AIMP1: variants seen among roughly 807,000 people sequenced by gnomAD.
The protein encoded by AIMP1 is aminoacyl tRNA synthetase complex interacting multifunctional protein 1.
Under a neutral mutation model 33.1 loss-of-function variants are expected in AIMP1, and 24 were observed. The observed-to-expected ratio is 0.73, with a 90% CI of 0.53 to 1.02. The LOEUF is 1.02. Ranked by LOEUF, AIMP1 falls within the 50% of genes least tolerant of loss-of-function variation. The pLI is 0.00. For missense variants in AIMP1, 367 were observed against 364.8 expected (o/e 1.01, Z -0.05); for synonymous variants, 120 against 121.5 (o/e 0.99, Z 0.08).
chr4:106,317,800 T>C (rs1293182170), intron 1 of AIMP1, among the ~76,000 whole-genome samples: 1 of 152,168 alleles, frequency 6.6e-6, no homozygotes, highest in Non-Finnish European at 1.5e-5. Flanking sequence ...GTCTATAAAA[T>C]GGAAATCACA....
At chr4:106,321,933 A>G (rs1271620088) in intron 1 of AIMP1, among the ~76,000 whole-genome samples, 1 of 151,952 alleles carries the variant, frequency 6.6e-6, no homozygotes, top group Non-Finnish European at 1.5e-5. Flanking sequence ...TGCTGTGTCC[A>G]CTAAGGGTTA....
At position 106,328,038 on chromosome 4, in the gene AIMP1, GTTTAATATGAATGACATTA is replaced by G; in HGVS notation, c.224-34_224-16del. 6.2e-7 allele frequency: 1 copy of G among 1,604,830 alleles called. No individual in the cohort carries two copies. Among genetic ancestry groups the G allele is most frequent in the Non-Finnish European group, 8.5e-7 (1 of 1,173,292 alleles). On this transcript the variant is annotated intron_variant, in intron 3 of 6. Coordinates refer to ENST00000672341, the MANE Select transcript of AIMP1 (RefSeq NM_001142416.2). ...TTCATATTTTTTGTCATATTTATTG[GTTTAATATGAATGACATTA>G]TTTCATTTTCTGTCTCAGTGAAGCA...
chr4:106,320,742 G>T (rs532582911), intron 1 of AIMP1, among the ~76,000 whole-genome samples: 2 of 151,956 alleles, frequency 1.3e-5, no homozygotes, highest in African/African-American at 4.8e-5. Flanking sequence ...ATTAAGAAAA[G>T]TATAGCCCTC....
At chr4:106,329,787 T>C (rs1769603179) in intron 4 of AIMP1, among the ~76,000 whole-genome samples, 1 of 130,864 alleles carries the variant, frequency 7.6e-6, no homozygotes, top group Admixed American at 9.9e-5. Flanking sequence ...TTTTTTTTTT[T>C]TTTTTTTTTT....
Position 106,331,993 on chromosome 4 carries a change from A to T in AIMP1, c.603+110A>T, listed in dbSNP as rs1769699970. ...ATACCATACAACATGTGCCCTTGTT[A>T]ATTAGTTCAGTCGATTAGTTTGAAT... On this transcript the variant is annotated intron_variant, in intron 5 of 6. Coordinates refer to ENST00000672341, the MANE Select transcript of AIMP1 (RefSeq NM_001142416.2). The T allele has an allele frequency of 8.5e-6, 9 of 1,062,078 alleles. No homozygotes were observed. The South Asian group carries it at 1.2e-4, about 14-fold the overall frequency. The allele number at this position is 1,062,078 out of a possible 1,614,324, so 65.8% of individuals were successfully genotyped here.
chr4:106,323,018 T>C (rs1769324001), intron 1 of AIMP1, among the ~76,000 whole-genome samples: 2 of 152,168 alleles, frequency 1.3e-5, no homozygotes, highest in South Asian at 2.1e-4. Flanking sequence ...CACTTCTTTT[T>C]ATCACATTGT....
At chr4:106,344,403 A>C (rs1156591225) in intron 6 of AIMP1, among the ~76,000 whole-genome samples, 1 of 152,026 alleles carries the variant, frequency 6.6e-6, no homozygotes, top group South Asian at 2.1e-4. Context: ...CCATCCTCCT[A>C]GTTGCTTAAC....
rs191879982 is a variant in AIMP1 at position 106,321,016 on chromosome 4, G to A, written c.-25-3969G>A. On this transcript the variant is annotated intron_variant, in intron 1 of 6. Coordinates refer to ENST00000672341, the MANE Select transcript of AIMP1 (RefSeq NM_001142416.2). ...GCCAGCCTCGGCGTCCTGAGGTGCC[G>A]GGATTGCAGACGGAGTCTCGCTCAC... Among the ~76,000 whole-genome samples, 680 of 152,340 alleles carry A rather than the reference G, an allele frequency of 4.5e-3. 1 individual carries two copies. The highest frequency in any genetic ancestry group is 7.8e-3 in the Non-Finnish European group (532 of 68,038).
chr4:106,328,004 G>A lies in AIMP1; in HGVS notation c.224-72G>A, dbSNP rs948807756. ...CATTTAAAAAGAGTTCCCATTTGTG[G>A]TTCACAATTTCATATTTTTTGTCAT... is the stretch of plus-strand genomic sequence containing the variant. On this transcript the variant is annotated intron_variant, in intron 3 of 6. Coordinates refer to ENST00000672341, the MANE Select transcript of AIMP1 (RefSeq NM_001142416.2). 1.9e-6 allele frequency: 3 copies of A among 1,577,238 alleles called. No individual in the cohort carries two copies. The Admixed American group carries it at 5.1e-5, about 27-fold the overall frequency.
chr4:106,334,922 C>T (rs1769817316), intron 5 of AIMP1, among the ~76,000 whole-genome samples: 1 of 152,136 alleles, frequency 6.6e-6, no homozygotes, highest in South Asian at 2.1e-4. Flanking sequence ...GGGTTAATAA[C>T]TGAGAAAGTC....
At position 106,349,094 on chromosome 4, in the gene AIMP1, A is replaced by C. The variant is rs1477751495; in HGVS notation, c.*1402A>C. The C allele has an allele frequency of 1.3e-5, 2 of 152,044 alleles. No homozygotes were observed. The highest frequency in any genetic ancestry group is 1.3e-4 in the Admixed American group (2 of 15,240). The allele number at this position is 152,044 out of a possible 1,614,324, so 9.4% of individuals were successfully genotyped here. A position where few individuals can be genotyped will look rare whatever the true frequency, so the allele number is the denominator to read the frequency against. ...CAGGATATATTATAGTACCATTATC[A>C]ATGTGATATTCTGAAAATATGAACT... On this transcript the variant is annotated 3_prime_UTR_variant, in exon 7 of 7. Transcript: ENST00000672341.
At chr4:106,346,806 TTTA>T (rs1480893475) in intron 6 of AIMP1, among the ~76,000 whole-genome samples, 3 of 152,310 alleles carry the variant, frequency 2.0e-5, no homozygotes, top group African/African-American at 7.2e-5. Context: ...TTCCTTTATA[TTTA>T]ATGATAAAAT....
chr4:106,334,731 T>C (rs187503734), intron 5 of AIMP1, among the ~76,000 whole-genome samples: 3 of 152,272 alleles, frequency 2.0e-5, no homozygotes, highest in Admixed American at 1.3e-4. Context: ...CAGGATGATA[T>C]TGACATTTTA....
intron 6 of AIMP1, among the ~76,000 whole-genome samples, chr4:106,343,987 G>T (rs982737702): frequency 6.6e-6 from 1 of 151,984 alleles, no homozygotes; most frequent in Non-Finnish European, 1.5e-5. Flanking sequence ...TTTTAATCAG[G>T]TTTCTTTCCC....
At chr4:106,320,265 G>A (rs184075357) in intron 1 of AIMP1, among the ~76,000 whole-genome samples, 1 of 152,308 alleles carries the variant, frequency 6.6e-6, no homozygotes, top group Admixed American at 6.5e-5. Flanking sequence ...AAGCAGTATT[G>A]TTGTTAAACT....
intron 5 of AIMP1, among the ~76,000 whole-genome samples, chr4:106,332,294 C>G (rs1242255462): frequency 1.3e-5 from 2 of 151,816 alleles, no homozygotes; most frequent in Non-Finnish European, 2.9e-5. Flanking sequence ...CCGTGATCCC[C>G]TCTCCTCATT....
intron 5 of AIMP1, among the ~76,000 whole-genome samples, chr4:106,335,507 T>A (rs998776741): frequency 1.3e-5 from 2 of 152,140 alleles, no homozygotes; most frequent in African/African-American, 2.4e-5. Flanking sequence ...CAAAATTATA[T>A]ACTCTGTTTT....
Position 106,347,536 on chromosome 4 carries a change from C to T in AIMP1, c.783C>T (p.Asp261=). 6.2e-7 allele frequency: 1 copy of T among 1,612,826 alleles called. No individual in the cohort carries two copies. Among genetic ancestry groups the T allele is most frequent in the South Asian group, 1.1e-5 (1 of 90,986 alleles). The change falls in exon 7 of 7, where the codon GAC becomes GAT. Residue 261 remains aspartate (D), a synonymous_variant. Transcript: ENST00000672341. ...TTTTCTCCTACACAGGAGAGCCTGACAAGGAGCTGAATCCTAAGAAGAAGA... is the reference window on the plus strand; with the variant it reads ...TTTTCTCCTACACAGGAGAGCCTGATAAGGAGCTGAATCCTAAGAAGAAGA... The part of the protein sequence containing the change: ...ITFDAFPGEP[D]KELNPKKKIW...
At chr4:106,340,706 T>A (rs1161200668) in intron 6 of AIMP1, among the ~76,000 whole-genome samples, 1 of 152,152 alleles carries the variant, frequency 6.6e-6, no homozygotes, top group African/African-American at 2.4e-5. Flanking sequence ...GACACTAGAG[T>A]TGATTGCATG....
Sources: gnomAD v4.1 joint callset for allele counts (sites outside exome capture counted in the v4.1 genomes callset) on GRCh38, gnomAD v4.1.1 for gene constraint, MANE v1.5 for transcripts, NCBI Gene and HGNC (gene_info 2026-07-23, HGNC 2026-07-21) for gene names.